PPP1R9A: variants seen among roughly 807,000 people sequenced by gnomAD.
The protein encoded by PPP1R9A is protein phosphatase 1 regulatory subunit 9A.
In PPP1R9A, 59 loss-of-function variants were observed where a neutral mutation model predicts 141.9. That is an observed-to-expected ratio of 0.42 (90% CI 0.34 to 0.52). The LOEUF is 0.52. PPP1R9A is among the 20% of genes least tolerant of loss of function. The pLI is 0.10. For missense variants in PPP1R9A, 1,444 were observed against 1,611.9 expected (o/e 0.90, Z 1.78); for synonymous variants, 500 against 569.7 (o/e 0.88, Z 1.74).
chr7:95,219,688 C>T (rs1794110930), intron 7 of PPP1R9A, among the ~76,000 whole-genome samples: 1 of 152,016 alleles, frequency 6.6e-6, no homozygotes, highest in Non-Finnish European at 1.5e-5. Flanking sequence ...AATATATATG[C>T]TGGGCCAGGC....
At chr7:95,274,318 A>G (rs1802765675) in intron 16 of PPP1R9A, 150 bp downstream of exon 16, 2 of 739,826 alleles carry the variant, frequency 2.7e-6, no homozygotes, top group Admixed American at 2.9e-5. Context: ...CAATTAGTTT[A>G]TATTGGTCTT....
chr7:94,928,292 G>A (rs1225538965), intron 2 of PPP1R9A, among the ~76,000 whole-genome samples: 1 of 152,068 alleles, frequency 6.6e-6, no homozygotes, highest in Non-Finnish European at 1.5e-5. Context: ...AGTTCAAGGA[G>A]GGACTTGTAT....
intron 2 of PPP1R9A, among the ~76,000 whole-genome samples, chr7:95,062,418 A>T (rs930324071): frequency 1.4e-5 from 2 of 138,590 alleles, no homozygotes; most frequent in African/African-American, 5.3e-5. Flanking sequence ...AGATTAGGGA[A>T]TTTTTTTTTT....
At chr7:95,274,720 T>A (rs866311044) in intron 16 of PPP1R9A, among the ~76,000 whole-genome samples, 2 of 152,190 alleles carry the variant, frequency 1.3e-5, no homozygotes, top group Non-Finnish European at 2.9e-5. Context: ...GAACAGCATG[T>A]TATCAAATTT....
chr7:95,286,964 A>T, intron 18 of PPP1R9A: 5 of 804,484 alleles, frequency 6.2e-6, no homozygotes, highest in Non-Finnish European at 9.5e-6. Context: ...TATTCACAAA[A>T]CTTTTTTTTT....
chr7:95,106,413 G>T (rs1229028160), intron 2 of PPP1R9A, among the ~76,000 whole-genome samples: 1 of 152,104 alleles, frequency 6.6e-6, no homozygotes, highest in Non-Finnish European at 1.5e-5. Flanking sequence ...CGTATGAATT[G>T]GGAATATCTT....
chr7:94,984,948 C>G (rs1334955334), intron 2 of PPP1R9A, among the ~76,000 whole-genome samples: 1 of 152,058 alleles, frequency 6.6e-6, no homozygotes, highest in East Asian at 1.9e-4. Flanking sequence ...TTGATCTTTC[C>G]TGCTTTCTCT....
intron 5 of PPP1R9A, among the ~76,000 whole-genome samples, chr7:95,176,704 C>T (rs980454148): frequency 4.6e-5 from 7 of 151,734 alleles, no homozygotes; most frequent in Non-Finnish European, 8.8e-5. Flanking sequence ...ACACTGGACA[C>T]ACTTATAGAA....
At chr7:95,150,493 C>T (rs1253531933) in intron 4 of PPP1R9A, among the ~76,000 whole-genome samples, 2 of 151,982 alleles carry the variant, frequency 1.3e-5, no homozygotes, top group Middle Eastern at 3.2e-3. Context: ...TCAGTAGAGA[C>T]GGAGTTTCAC....
intron 2 of PPP1R9A, among the ~76,000 whole-genome samples, chr7:95,101,900 G>C (rs927341254): frequency 9.2e-5 from 14 of 152,092 alleles, no homozygotes; most frequent in Middle Eastern, 6.8e-3. Flanking sequence ...ATTAACTGCT[G>C]AATTCAGAGT....
At chr7:95,200,425 C>T (rs1429824014) in intron 6 of PPP1R9A, among the ~76,000 whole-genome samples, 1 of 149,938 alleles carries the variant, frequency 6.7e-6, no homozygotes, top group Non-Finnish European at 1.5e-5. Flanking sequence ...GCACACAGAA[C>T]CACATCCTGC....
Position 95,293,717 on chromosome 7 carries a change from C to G in PPP1R9A, c.*3414C>G, listed in dbSNP as rs181861621. ...CAAAAATGGTCACAGGTGGTTTGAT[C>G]TAGCACCTCGGCCGTTAGAGTTTGT... On this transcript the variant is annotated 3_prime_UTR_variant, in exon 20 of 20. Transcript: ENST00000433360. The G allele has an allele frequency of 3.3e-5, 5 of 152,228 alleles. No individual in the cohort carries two copies. The highest frequency in any genetic ancestry group is 4.8e-5 in the African/African-American group (2 of 41,462). The allele number at this position is 152,228 out of a possible 1,614,324, so 9.4% of individuals were successfully genotyped here. A position where few individuals can be genotyped will look rare whatever the true frequency, so the allele number is the denominator to read the frequency against.
At chr7:95,204,171 A>G in intron 7 of PPP1R9A, among the ~76,000 whole-genome samples, 1 of 152,312 alleles carries the variant, frequency 6.6e-6, no homozygotes, top group East Asian at 1.9e-4. Flanking sequence ...ATATCTTTAA[A>G]TTATAGTAGT....
At chr7:94,951,699 T>G (rs1227377219) in intron 2 of PPP1R9A, among the ~76,000 whole-genome samples, 2 of 152,086 alleles carry the variant, frequency 1.3e-5, no homozygotes, top group Non-Finnish European at 2.9e-5. Flanking sequence ...TCCTTCTGGG[T>G]TTTGGTATAA....
rs1446242477 is a variant in PPP1R9A, at chr7:95,292,589, T to G, written c.*2286T>G. 1 of 152,278 alleles carries G rather than the reference T, an allele frequency of 6.6e-6. No homozygotes were observed. The highest frequency in any genetic ancestry group is 1.5e-5 in the Non-Finnish European group (1 of 68,038). The allele number at this position is 152,278 out of a possible 1,614,324, so 9.4% of individuals were successfully genotyped here. On this transcript the variant is annotated 3_prime_UTR_variant, in exon 20 of 20. Transcript: ENST00000433360. ...AGAAGTATTTTTCTTTATAACTTTG[T>G]ATATTGAATGTTTAGATAAATGTCC...
intron 5 of PPP1R9A, among the ~76,000 whole-genome samples, chr7:95,194,801 T>C (rs1482870050): frequency 6.6e-6 from 1 of 151,546 alleles, no homozygotes; most frequent in Non-Finnish European, 1.5e-5. Flanking sequence ...CCATAGTATA[T>C]TATTGAGAGA....
intron 5 of PPP1R9A, among the ~76,000 whole-genome samples, chr7:95,196,069 A>ACG (rs1372248073): frequency 1.1e-5 from 1 of 95,222 alleles, no homozygotes; most frequent in Non-Finnish European, 2.0e-5. Flanking sequence ...ATACACACAT[A>ACG]CGTGTGTGTG....
At chr7:95,193,395 A>G (rs965838688) in intron 5 of PPP1R9A, among the ~76,000 whole-genome samples, 3 of 152,078 alleles carry the variant, frequency 2.0e-5, no homozygotes, top group African/African-American at 4.8e-5. Flanking sequence ...TTTTGAATAC[A>G]AAGCAATATT....
chr7:95,226,039 T>G lies in PPP1R9A; in HGVS notation c.2035T>G (p.Phe679Val), dbSNP rs746944119. The G allele has an allele frequency of 6.2e-7, 1 of 1,613,684 alleles. No individual in the cohort carries two copies. ...LPGSDMAIEV[F>V]ELPENEDMFS... ...TGGCAGCGACATGGCCATTGAAGTC[T>G]TTGAGCTGCCTGAGAATGAGGACAT... The change falls in exon 8 of 20, where the codon TTT becomes GTT. Residue 679 changes from phenylalanine (F) to valine (V), a missense_variant. Coordinates refer to ENST00000433360, the MANE Select transcript of PPP1R9A (RefSeq NM_001166160.2).
Sources: gnomAD v4.1 joint callset for allele counts (sites outside exome capture counted in the v4.1 genomes callset) on GRCh38, gnomAD v4.1.1 for gene constraint, MANE v1.5 for transcripts, NCBI Gene and HGNC (gene_info 2026-07-23, HGNC 2026-07-21) for gene names.